Variants in ZCRB1 observed in about 807,000 individuals in gnomAD.
The protein encoded by ZCRB1 is zinc finger CCHC-type and RNA binding motif containing 1, also known as zinc finger CCHC-type and RNA-binding motif-containing protein 1.
A neutral mutation model predicts 29.9 loss-of-function variants in ZCRB1; 21 were observed. The ratio of observed to expected loss-of-function variants is 0.70; its 90% CI spans 0.50 to 1.01. The LOEUF (loss-of-function observed/expected upper bound fraction) is 1.01, where lower values mean the gene tolerates loss of function less well. Among genes scored for constraint, ZCRB1 ranks in the 50% least tolerant of loss-of-function variants. ZCRB1 has a pLI of 0.00. For synonymous variants in ZCRB1, 77 were observed against 80.0 expected (o/e 0.96, Z 0.20); for missense variants, 204 against 253.3 (o/e 0.81, Z 1.32).
chr12:42,324,007 A>C lies in ZCRB1; in HGVS notation c.84+12T>G. On this transcript the variant is annotated intron_variant, in intron 2 of 7. Transcript: ENST00000266529. Reference sequence around the variant, plus strand: ...TATCTCAAATAGCAGTCACTCGATAAGATTTACTTACCCGGTACAAGTCAT... The same window carrying C: ...TATCTCAAATAGCAGTCACTCGATACGATTTACTTACCCGGTACAAGTCAT... 2 of 1,608,526 alleles carry C rather than the reference A, an allele frequency of 1.2e-6. No homozygotes were observed. The highest frequency in any genetic ancestry group is 1.3e-5 in the African/African-American group (1 of 74,824).
chr12:42,314,997 C>T (rs945728354), intron 5 of ZCRB1, among the ~76,000 whole-genome samples: 2 of 152,158 alleles, frequency 1.3e-5, no homozygotes, highest in African/African-American at 4.8e-5. Context: ...ATTTCTTCCT[C>T]ACTTTTCCTA....
chr12:42,323,979 C>A, intron 2 of ZCRB1, 40 bp downstream of exon 2: 1 of 1,511,902 alleles, frequency 6.6e-7, no homozygotes, highest in South Asian at 1.1e-5. Flanking sequence ...TTAAGGTTAT[C>A]TGTATCTCAA....
In ZCRB1 at chr12:42,312,766, T is replaced by C. The variant is rs1475755407; in HGVS notation, c.*301A>G. On this transcript the variant is annotated 3_prime_UTR_variant, in exon 8 of 8. Coordinates refer to ENST00000266529, the MANE Select transcript of ZCRB1 (RefSeq NM_033114.4). Reference sequence around the variant, plus strand: ...GAAATATGATGACAAAACACCCATATTTAAAGACAAAATTCTCTTGAAAAG... The same window carrying C: ...GAAATATGATGACAAAACACCCATACTTAAAGACAAAATTCTCTTGAAAAG... The C allele has an allele frequency of 1.2e-5, 2 of 170,278 alleles. No individual in the cohort carries two copies. The highest frequency in any genetic ancestry group is 2.5e-5 in the Non-Finnish European group (2 of 80,690). 10.5% of individuals were successfully genotyped at this position (170,278 alleles called of 1,614,324 possible).
chr12:42,322,286 T>G (rs1290699402), intron 3 of ZCRB1, 132 bp downstream of exon 3: 1 of 931,774 alleles, frequency 1.1e-6, no homozygotes, highest in African/African-American at 1.7e-5. Context: ...TAAATTGTCA[T>G]AAAAATGTTA....
chr12:42,315,513 CA>C (rs201620239), intron 5 of ZCRB1, among the ~76,000 whole-genome samples: 19 of 149,162 alleles, frequency 1.3e-4, no homozygotes, highest in African/African-American at 2.5e-4. Flanking sequence ...AATATTATAG[CA>C]AAAAAAAATT....
chr12:42,321,255 A>G (rs967851413), intron 3 of ZCRB1, among the ~76,000 whole-genome samples: 6 of 152,238 alleles, frequency 3.9e-5, no homozygotes, highest in Non-Finnish European at 1.5e-5. Flanking sequence ...ATGGAGATCC[A>G]TTCAGAGATT....
At chr12:42,316,626 T>C (rs2068595856) in intron 5 of ZCRB1, among the ~76,000 whole-genome samples, 1 of 151,968 alleles carries the variant, frequency 6.6e-6, no homozygotes, top group Non-Finnish European at 1.5e-5. Context: ...TAGGAAAAAA[T>C]AAAAAACTTC....
rs2068719201 is a variant in ZCRB1, at chr12:42,326,001, A to G, written c.-80T>C. 6.6e-6 allele frequency: 1 copy of G among 152,320 alleles called. No homozygotes were observed. Among genetic ancestry groups the G allele is most frequent in the South Asian group, 2.1e-4 (1 of 4,830 alleles). 9.4% of individuals were successfully genotyped at this position (152,320 alleles called of 1,614,324 possible). On this transcript the variant is annotated 5_prime_UTR_variant, in exon 1 of 8. Coordinates refer to ENST00000266529, the MANE Select transcript of ZCRB1 (RefSeq NM_033114.4). The stretch of plus-strand genomic sequence containing the variant: ...CTGGGGCTCAACCCCGACTCTTCGT[A>G]GCCGCTCGCAGCGGCCTTGGCATCA...
chr12:42,324,221 T>C (rs1322997497), intron 1 of ZCRB1, 117 bp from the exon 2 acceptor site: 8 of 818,174 alleles, frequency 9.8e-6, no homozygotes, highest in African/African-American at 1.7e-5. Context: ...TGATCTCGGC[T>C]CACTGCAACC....
Position 42,324,003 on chromosome 12 carries a change from G to A in ZCRB1, c.84+16C>T, listed in dbSNP as rs369712022. 1.7e-5 allele frequency: 27 copies of A among 1,603,622 alleles called. No individual in the cohort carries two copies. Among genetic ancestry groups the A allele is most frequent in the South Asian group, 4.4e-5 (4 of 90,844 alleles). ...TCTGTATCTCAAATAGCAGTCACTC[G>A]ATAAGATTTACTTACCCGGTACAAG... On this transcript the variant is annotated intron_variant, in intron 2 of 7. Transcript: ENST00000266529.
At position 42,325,090 on chromosome 12, in the gene ZCRB1, C is replaced by A. The variant is rs201381665; in HGVS notation, c.-3+834G>T. On this transcript the variant is annotated intron_variant, in intron 1 of 7. Transcript: ENST00000266529. ...TAGTGAATAATGTAGACAGTTGAAA[C>A]ACAATGGTAAATATTTACATAGCTA... Among the ~76,000 whole-genome samples, 176 of 152,270 alleles carry A rather than the reference C, an allele frequency of 1.2e-3. 1 individual carries two copies. The South Asian group carries it at 0.029, about 25-fold the overall frequency.
At chr12:42,323,467 A>G (rs2068631661) in intron 2 of ZCRB1, among the ~76,000 whole-genome samples, 1 of 152,074 alleles carries the variant, frequency 6.6e-6, no homozygotes, top group South Asian at 2.1e-4. Context: ...CAATAATGGC[A>G]TTTCTGACCG....
intron 4 of ZCRB1, 68 bp from the exon 5 acceptor site, chr12:42,317,515 T>C: frequency 7.7e-7 from 1 of 1,305,588 alleles, no homozygotes; most frequent in Non-Finnish European, 1.0e-6. Context: ...ATTTAATCAA[T>C]TTTCTCAAAT....
At chr12:42,314,107 G>C in intron 5 of ZCRB1, 121 bp from the exon 6 acceptor site, 3 of 924,252 alleles carry the variant, frequency 3.2e-6, no homozygotes, top group Non-Finnish European at 4.8e-6. Flanking sequence ...CCCATACTGG[G>C]ACTATACAGA....
At chr12:42,313,587 AG>A in intron 7 of ZCRB1, 102 bp downstream of exon 7, 1 of 1,229,276 alleles carries the variant, frequency 8.1e-7, no homozygotes, top group Non-Finnish European at 1.2e-6. Context: ...TTAGGAGGTT[AG>A]GGGGAAAAAG....
intron 1 of ZCRB1, among the ~76,000 whole-genome samples, chr12:42,325,128 G>A (rs920938747): frequency 2.0e-5 from 3 of 152,152 alleles, no homozygotes; most frequent in Admixed American, 6.5e-5. Context: ...CACAGAAAAC[G>A]TACACTAAAA....
rs1371880359 is a variant in ZCRB1, at chr12:42,313,006, T to C, written c.*61A>G. 7.0e-7 allele frequency: 1 copy of C among 1,422,132 alleles called. No homozygotes were observed. Among genetic ancestry groups the C allele is most frequent in the Non-Finnish European group, 9.3e-7 (1 of 1,074,552 alleles). 88.1% of individuals were successfully genotyped at this position (1,422,132 alleles called of 1,614,324 possible). A position where few individuals can be genotyped will look rare whatever the true frequency, so the allele number is the denominator to read the frequency against. On this transcript the variant is annotated 3_prime_UTR_variant, in exon 8 of 8. Coordinates refer to ENST00000266529, the MANE Select transcript of ZCRB1 (RefSeq NM_033114.4). ...TTAATTTTTCTTATTTTTATTAAAA[T>C]TAGCTCTTCAAGATTGTTACTAACA...
intron 3 of ZCRB1, among the ~76,000 whole-genome samples, chr12:42,319,131 TAAAGTAGTATTTCAAAAG>T (rs1177858317): frequency 6.6e-6 from 1 of 152,158 alleles, no homozygotes; most frequent in East Asian, 1.9e-4. Flanking sequence ...TCTTTTTTTT[TAAAGTAGTATTTCAAAAG>T]AAGTATTGGC....
Position 42,317,785 on chromosome 12 carries a change from A to T in ZCRB1, c.225+2T>A. On this transcript the variant is annotated splice_donor_variant, in intron 4 of 7. Coordinates refer to ENST00000266529, the MANE Select transcript of ZCRB1 (RefSeq NM_033114.4). LOFTEE classifies it high-confidence loss of function. ...AAACCTTGATGGAGATGAATAGCTTACCTGTTTGTTGTTTATTGCCCTGGT... is the reference window on the plus strand; with the variant it reads ...AAACCTTGATGGAGATGAATAGCTTTCCTGTTTGTTGTTTATTGCCCTGGT... 6.2e-7 allele frequency: 1 copy of T among 1,611,470 alleles called. No individual in the cohort carries two copies. The highest frequency in any genetic ancestry group is 8.5e-7 in the Non-Finnish European group (1 of 1,179,222).
Sources: allele counts gnomAD v4.1 joint callset (sites outside exome capture counted in the v4.1 genomes callset), GRCh38; gene constraint gnomAD v4.1.1; transcripts MANE v1.5; gene names NCBI Gene and HGNC (gene_info 2026-07-23, HGNC 2026-07-21).